Variants in COQ8A observed in about 807,000 individuals in gnomAD.
COQ8A encodes the protein coenzyme Q8A.
COQ8A carries 51 observed loss-of-function variants against 65.0 expected under a neutral mutation model. That is an observed-to-expected ratio of 0.78 (90% CI 0.63 to 0.99). The LOEUF is 0.99. COQ8A is among the 50% of genes least tolerant of loss of function. The probability of loss-of-function intolerance (pLI) is 0.00; values close to 1 mark genes in which losing one functional copy is unlikely to be tolerated. For missense variants in COQ8A, 940 were observed against 875.0 expected (o/e 1.07, Z -0.94); for synonymous variants, 371 against 353.2 (o/e 1.05, Z -0.57).
chr1:226,962,763 A>AT (rs1265719257), intron 2 of COQ8A, among the ~76,000 whole-genome samples: 5 of 152,180 alleles, frequency 3.3e-5, no homozygotes, highest in African/African-American at 4.8e-5. Context: ...CCTGCCTTTA[A>AT]TGTTCAGAAG....
intron 8 of COQ8A, 47 bp from the exon 9 acceptor site, chr1:226,983,501 GCCCA>G (rs1659845275): frequency 6.4e-7 from 1 of 1,555,188 alleles, no homozygotes; most frequent in Non-Finnish European, 8.9e-7. Flanking sequence ...CCCAGGCAGG[GCCCA>G]CCCGTCTCCC....
chr1:226,976,884 G>T (rs549516642), intron 4 of COQ8A, among the ~76,000 whole-genome samples: 1 of 152,130 alleles, frequency 6.6e-6, no homozygotes, highest in African/African-American at 2.4e-5. Context: ...CGAGGGCTGC[G>T]CCTGAGCCCC....
At chr1:226,963,912 A>G (rs1658403662) in intron 2 of COQ8A, among the ~76,000 whole-genome samples, 1 of 152,032 alleles carries the variant, frequency 6.6e-6, no homozygotes, top group South Asian at 2.1e-4. Context: ...CATAAATACA[A>G]CTTGTTTCTA....
chr1:226,964,891 G>C, intron 2 of COQ8A, 109 bp from the exon 3 acceptor site: 1 of 1,284,434 alleles, frequency 7.8e-7, no homozygotes, highest in East Asian at 2.3e-5. Context: ...CTCTGGAGGT[G>C]GGAGGGGGCG....
At chr1:226,980,566 G>C (rs1052703806) in intron 5 of COQ8A, among the ~76,000 whole-genome samples, 12 of 152,076 alleles carry the variant, frequency 7.9e-5, no homozygotes, top group African/African-American at 2.7e-4. Flanking sequence ...CTTTCCTTTG[G>C]TGCTGGCGTC....
At chr1:226,943,848 A>G (rs1299920741) in intron 1 of COQ8A, among the ~76,000 whole-genome samples, 1 of 152,214 alleles carries the variant, frequency 6.6e-6, no homozygotes, top group East Asian at 1.9e-4. Context: ...ACCCCTTTCC[A>G]GTTGCCTGTG....
At chr1:226,954,882 T>C (rs1187864986) in intron 1 of COQ8A, among the ~76,000 whole-genome samples, 2 of 152,172 alleles carry the variant, frequency 1.3e-5, no homozygotes, top group Admixed American at 6.5e-5. Flanking sequence ...TGGTCACTGC[T>C]GTGCTGGAGG....
chr1:226,980,691 G>A (rs890307018), intron 5 of COQ8A, among the ~76,000 whole-genome samples: 3 of 152,218 alleles, frequency 2.0e-5, no homozygotes, highest in Non-Finnish European at 2.9e-5. Context: ...GCCTCTTCCC[G>A]CAGAGCTAAC....
chr1:226,980,261 C>T (rs1315334501), intron 5 of COQ8A, among the ~76,000 whole-genome samples: 1 of 152,248 alleles, frequency 6.6e-6, no homozygotes, highest in Non-Finnish European at 1.5e-5. Flanking sequence ...ATTCTCACAG[C>T]CAGCCCTGCC....
At chr1:226,980,671 G>C (rs904310730) in intron 5 of COQ8A, among the ~76,000 whole-genome samples, 19 of 152,238 alleles carry the variant, frequency 1.2e-4, no homozygotes, top group South Asian at 2.1e-4. Context: ...CAGCCTCCCA[G>C]GGCAGCTCAG....
Position 226,979,215 on chromosome 1 carries a change from C to T in COQ8A, c.730+1692C>T, listed in dbSNP as rs185504255. 6.4e-4 allele frequency among the ~76,000 whole-genome samples: 98 copies of T among 152,344 alleles called. 1 individual carries two copies. Among genetic ancestry groups the T allele is most frequent in the African/African-American group, 2.2e-3 (92 of 41,580 alleles). ...ACTCATCCCACTGAGGTTGGTGGCC[C>T]GCTGTGGCCGGGCCCTCTGTGGAGA... On this transcript the variant is annotated intron_variant, in intron 5 of 14. Transcript: ENST00000366777.
At chr1:226,985,591 T>G (rs560517300) in intron 14 of COQ8A, among the ~76,000 whole-genome samples, 1 of 152,304 alleles carries the variant, frequency 6.6e-6, no homozygotes, top group South Asian at 2.1e-4. Context: ...TCTTGCCCAC[T>G]TAGGGCTTGG....
rs1405256900 is a variant in COQ8A at position 226,946,463 on chromosome 1, C to T, written c.-10+6064C>T. On this transcript the variant is annotated intron_variant, in intron 1 of 14. Coordinates refer to ENST00000366777, the MANE Select transcript of COQ8A (RefSeq NM_020247.5). The surrounding 1 kb of genome is among the most constrained non-coding windows in gnomAD (Gnocchi z 5.3). ...CACGGAGGCATCTAGCGAGAGGTAT[C>T]GCTGCAGAGGTGTCTGGGGCTCCAC... 2.0e-5 allele frequency among the ~76,000 whole-genome samples: 3 copies of T among 152,112 alleles called. No homozygotes were observed. The highest frequency in any genetic ancestry group is 4.8e-5 in the African/African-American group (2 of 41,414).
chr1:226,948,220 C>A (rs545937708), intron 1 of COQ8A, among the ~76,000 whole-genome samples: 47 of 152,294 alleles, frequency 3.1e-4, no homozygotes, highest in African/African-American at 1.1e-3. Context: ...AGGACCCGAC[C>A]CCTTGCCTTT....
chr1:226,983,057 C>T, intron 8 of COQ8A, 23 bp downstream of exon 8: 1 of 1,569,950 alleles, frequency 6.4e-7, no homozygotes, highest in Non-Finnish European at 8.6e-7. Flanking sequence ...ATGCGCAGTG[C>T]CTGTCCCTAT....
intron 4 of COQ8A, among the ~76,000 whole-genome samples, chr1:226,971,284 G>A (rs1658896236): frequency 6.6e-6 from 1 of 151,964 alleles, no homozygotes; most frequent in Non-Finnish European, 1.5e-5. Context: ...TGGGCACGGT[G>A]GCTCATGCCT....
At chr1:226,940,753 A>G (rs1203983032) in intron 1 of COQ8A, among the ~76,000 whole-genome samples, 2 of 152,190 alleles carry the variant, frequency 1.3e-5, no homozygotes, top group Admixed American at 1.3e-4. Context: ...TTGGTCGCCA[A>G]TACAGCTTTG....
intron 1 of COQ8A, among the ~76,000 whole-genome samples, chr1:226,952,559 G>A (rs1207940367): frequency 2.0e-5 from 3 of 152,004 alleles, no homozygotes; most frequent in Admixed American, 2.0e-4. Flanking sequence ...GGGACTACAG[G>A]TGCAGCACCA....
chr1:226,984,888 G>C lies in COQ8A; in HGVS notation c.1519G>C (p.Asp507His). The change falls in exon 13 of 15, where the codon GAT becomes CAT. Residue 507 changes from aspartate to histidine, a missense_variant. Asp to His is a moderately conservative substitution (Grantham distance 81). Coordinates refer to ENST00000366777, the MANE Select transcript of COQ8A (RefSeq NM_020247.5). The stretch of plus-strand genomic sequence containing the variant: ...TCTCTGTCCCCAGGTGGCTCTTTTG[G>C]ATTTTGGGGCAACGCGGGAATATGA... Reference protein sequence around the residue: ...DPQQHKVALLDFGATREYDRS... With the variant: ...DPQQHKVALLHFGATREYDRS... The C allele has an allele frequency of 6.2e-7, 1 of 1,614,190 alleles. No individual in the cohort carries two copies. Among genetic ancestry groups the C allele is most frequent in the East Asian group, 2.2e-5 (1 of 44,884 alleles).
Sources: gnomAD v4.1 joint callset for allele counts (sites outside exome capture counted in the v4.1 genomes callset) on GRCh38, gnomAD v4.1.1 for gene constraint, Gnocchi (gnomAD v3.1) non-coding constraint, MANE v1.5 for transcripts, NCBI Gene and HGNC (gene_info 2026-07-23, HGNC 2026-07-21) for gene names.